The following CDK6 variants were observed in gnomAD, a reference collection of about 807,000 sequenced individuals.
CDK6 encodes cyclin-dependent kinase 6.
Under a neutral mutation model 37.1 loss-of-function variants are expected in CDK6, and 6 were observed. The ratio of observed to expected loss-of-function variants is 0.16; its 90% CI spans 0.09 to 0.32. CDK6 has a LOEUF of 0.32. Ranked by LOEUF, CDK6 falls within the 10% of genes least tolerant of loss-of-function variation. CDK6 has a pLI of 1.00. For synonymous variants in CDK6, 160 were observed against 161.3 expected (o/e 0.99, Z 0.06); for missense variants, 224 against 418.9 (o/e 0.53, Z 4.06).
chr7:92,817,667 AAAG>A, intron 2 of CDK6, among the ~76,000 whole-genome samples: 1 of 151,798 alleles, frequency 6.6e-6, no homozygotes, highest in South Asian at 2.1e-4. Flanking sequence ...AAAGAAAGGA[AAAG>A]AAATAAAAGA....
Position 92,623,033 on chromosome 7 carries a change from T to C in CDK6, c.698+3A>G. 6.4e-7 allele frequency: 1 copy of C among 1,560,670 alleles called. No individual in the cohort carries two copies. Among genetic ancestry groups the C allele is most frequent in the South Asian group, 1.1e-5 (1 of 87,854 alleles). On this transcript the variant is annotated splice_donor_region_variant and intron_variant, in intron 6 of 7. Coordinates refer to ENST00000424848, the MANE Select transcript of CDK6 (RefSeq NM_001145306.2). ...CTGGTGTAAAATTATAATTATTACTTACTCCAAGATTTTTCCTAGTTGATC... is the reference window on the plus strand; with the variant it reads ...CTGGTGTAAAATTATAATTATTACTCACTCCAAGATTTTTCCTAGTTGATC...
intron 2 of CDK6, among the ~76,000 whole-genome samples, chr7:92,825,460 GCACACACACA>G (rs147959837): frequency 6.7e-6 from 1 of 148,506 alleles, no homozygotes; most frequent in African/African-American, 2.5e-5. Context: ...GCACATGCGT[GCACACACACA>G]CACACACACA....
At chr7:92,788,345 C>T (rs1203318935) in intron 2 of CDK6, among the ~76,000 whole-genome samples, 3 of 152,080 alleles carry the variant, frequency 2.0e-5, no homozygotes, top group Non-Finnish European at 4.4e-5. Flanking sequence ...TGCAAAGAAC[C>T]ACAGGAACAC....
chr7:92,645,473 T>C (rs1472838359), intron 5 of CDK6, among the ~76,000 whole-genome samples: 1 of 152,188 alleles, frequency 6.6e-6, no homozygotes, highest in Non-Finnish European at 1.5e-5. Context: ...TCTTGCTGAG[T>C]GCACATGATA....
At chr7:92,616,664 G>C (rs186196065) in intron 7 of CDK6, among the ~76,000 whole-genome samples, 79 of 152,306 alleles carry the variant, frequency 5.2e-4, no homozygotes, top group African/African-American at 1.9e-3. Context: ...AAATTAGGTA[G>C]TGGCATTTAA....
chr7:92,618,675 A>G (rs1795734622), intron 6 of CDK6, among the ~76,000 whole-genome samples: 1 of 152,162 alleles, frequency 6.6e-6, no homozygotes, highest in African/African-American at 2.4e-5. Context: ...TAACATATCA[A>G]TTTGGTTGCA....
At chr7:92,753,249 T>G (rs184692982) in intron 3 of CDK6, among the ~76,000 whole-genome samples, 1 of 151,686 alleles carries the variant, frequency 6.6e-6, no homozygotes. Flanking sequence ...GCAACAAGAG[T>G]AGATGAAAAA....
intron 5 of CDK6, among the ~76,000 whole-genome samples, chr7:92,669,262 G>A (rs1320794371): frequency 6.6e-6 from 1 of 152,188 alleles, no homozygotes; most frequent in Admixed American, 6.5e-5. Context: ...CTGCAAGCTA[G>A]GCTTGGAATC....
At chr7:92,697,785 C>T (rs892787957) in intron 4 of CDK6, among the ~76,000 whole-genome samples, 9 of 152,162 alleles carry the variant, frequency 5.9e-5, no homozygotes, top group African/African-American at 1.9e-4. Flanking sequence ...AATTAAAAGT[C>T]ACATATGACT....
chr7:92,797,001 C>G (rs1296652894), intron 2 of CDK6, among the ~76,000 whole-genome samples: 1 of 152,082 alleles, frequency 6.6e-6, no homozygotes, highest in Non-Finnish European at 1.5e-5. Flanking sequence ...ATAGAAAAGG[C>G]CCAAGAGACT....
At chr7:92,816,960 G>A (rs1801045517) in intron 2 of CDK6, among the ~76,000 whole-genome samples, 1 of 151,732 alleles carries the variant, frequency 6.6e-6, no homozygotes, top group Admixed American at 6.6e-5. Context: ...AAAACCCTAG[G>A]ATAGACAAAT....
chr7:92,659,942 G>A (rs1477602042), intron 5 of CDK6, among the ~76,000 whole-genome samples: 2 of 152,274 alleles, frequency 1.3e-5, no homozygotes, highest in East Asian at 3.9e-4. Flanking sequence ...AAAGCTGAGT[G>A]TGGGAACAAG....
chr7:92,714,974 C>T lies in CDK6; in HGVS notation c.537+10652G>A, dbSNP rs138023489. Among the ~76,000 whole-genome samples the T allele has an allele frequency of 5.6e-3, 851 of 152,264 alleles. 5 individuals are homozygous for T. The highest frequency in any genetic ancestry group is 0.027 in the Middle Eastern group (8 of 294). ...TTCCAAAACCAGTGCCAGTAAGCCACTGAAGCATATTTTCCCACAAGAACT... is the reference window on the plus strand; with the variant it reads ...TTCCAAAACCAGTGCCAGTAAGCCATTGAAGCATATTTTCCCACAAGAACT... On this transcript the variant is annotated intron_variant, in intron 4 of 7. Transcript: ENST00000424848.
Position 92,833,110 on chromosome 7 carries a change from C to G in CDK6, c.214G>C (p.Glu72Gln), listed in dbSNP as rs1385028700. Residue 72 changes from glutamate to glutamine, a missense_variant, in exon 2 of 8, where the codon GAG becomes CAG. By Grantham distance (29) the Glu-to-Gln change is conservative. Coordinates refer to ENST00000424848, the MANE Select transcript of CDK6 (RefSeq NM_001145306.2). The surrounding 1 kb of genome is among the most constrained non-coding windows in gnomAD (Gnocchi z 6.1). The part of the protein sequence containing the change: ...VAVLRHLETF[E>Q]HPNVVRLFDV... ...GCTCACCTGACCACGTTGGGGTGCT[C>G]GAAGGTCTCCAGGTGCCTCAGCACC... The G allele has an allele frequency of 1.3e-6, 2 of 1,599,768 alleles. No individual in the cohort carries two copies. Among genetic ancestry groups the G allele is most frequent in the African/African-American group, 1.3e-5 (1 of 74,674 alleles).
intron 5 of CDK6, among the ~76,000 whole-genome samples, chr7:92,656,529 C>CATTT (rs1397286247): frequency 1.3e-5 from 2 of 152,178 alleles, no homozygotes; most frequent in Non-Finnish European, 2.9e-5. Flanking sequence ...CAGCAATCTA[C>CATTT]ATTTACCTGA....
intron 5 of CDK6, among the ~76,000 whole-genome samples, chr7:92,641,622 TA>T (rs577438827): frequency 1.3e-5 from 2 of 152,218 alleles, no homozygotes; most frequent in Admixed American, 6.5e-5. Flanking sequence ...ACATACTATT[TA>T]AAAAATAATC....
At chr7:92,823,705 G>C (rs1405093959) in intron 2 of CDK6, among the ~76,000 whole-genome samples, 1 of 151,868 alleles carries the variant, frequency 6.6e-6, no homozygotes, top group Non-Finnish European at 1.5e-5. Context: ...CTCCCAACTT[G>C]AAACGACTCA....
chr7:92,662,848 G>A (rs1418753128), intron 5 of CDK6, among the ~76,000 whole-genome samples: 1 of 152,178 alleles, frequency 6.6e-6, no homozygotes. Flanking sequence ...GGAGGCTTTG[G>A]CGGAACTGTG....
At chr7:92,807,338 T>C (rs577689891) in intron 2 of CDK6, among the ~76,000 whole-genome samples, 1 of 152,158 alleles carries the variant, frequency 6.6e-6, no homozygotes, top group East Asian at 1.9e-4. Flanking sequence ...GATAGAGAGA[T>C]GTATATATCT....
Sources: gnomAD v4.1 joint callset for allele counts (sites outside exome capture counted in the v4.1 genomes callset) on GRCh38, gnomAD v4.1.1 for gene constraint, Gnocchi (gnomAD v3.1) non-coding constraint, MANE v1.5 for transcripts, NCBI Gene and HGNC (gene_info 2026-07-23, HGNC 2026-07-21) for gene names.